The following COPG2 variants were observed in gnomAD, a reference collection of about 807,000 sequenced individuals.
The protein encoded by COPG2 is coatomer subunit gamma-2.
COPG2 carries 37 observed loss-of-function variants against 46.3 expected under a neutral mutation model. That is an observed-to-expected ratio of 0.80 (90% CI 0.61 to 1.05). COPG2 has a LOEUF of 1.05. Ranked by LOEUF, COPG2 falls within the 50% of genes least tolerant of loss-of-function variation. The pLI is 0.00. For missense variants in COPG2, 427 were observed against 387.8 expected, an observed-to-expected ratio of 1.10 and a Z score of -0.85; for synonymous variants, 159 against 129.7, an observed-to-expected ratio of 1.23 and a Z score of -1.53.
At chr7:130,563,755 C>CAAAAAAAAAAAAAAAAAAAAAA (rs1239944614) in intron 10 of COPG2, among the ~76,000 whole-genome samples, 3 of 89,008 alleles carry the variant, frequency 3.4e-5, no homozygotes, top group African/African-American at 6.6e-5. Context: ...GACTCCGTCT[C>CAAAAAAAAAAAAAAAAAAAAAA]AAAAAAAAAA....
intron 20 of COPG2, chr7:130,509,592 T>A (rs963438380): frequency 2.6e-5 from 12 of 455,786 alleles, no homozygotes; most frequent in Admixed American, 1.2e-4. Flanking sequence ...GACTTTAAAT[T>A]CCATCCATTC....
intron 17 of COPG2, among the ~76,000 whole-genome samples, 170 bp downstream of exon 17, chr7:130,550,354 T>A (rs1368775858): frequency 7.7e-6 from 1 of 130,508 alleles, no homozygotes; most frequent in Non-Finnish European, 1.5e-5. Flanking sequence ...GAGGTTGCAG[T>A]GACTAGAGAT....
intron 20 of COPG2, among the ~76,000 whole-genome samples, chr7:130,540,325 C>T (rs1160752347): frequency 1.3e-5 from 2 of 151,868 alleles, no homozygotes; most frequent in South Asian, 4.2e-4. Flanking sequence ...AGGTAAATGG[C>T]TGGTTTTTAG....
chr7:130,618,717 TTA>T (rs1554453234), intron 5 of COPG2, among the ~76,000 whole-genome samples: 2 of 152,188 alleles, frequency 1.3e-5, no homozygotes, highest in African/African-American at 4.8e-5. Flanking sequence ...TTCCTTCTTT[TTA>T]AAACAAAGGC....
At chr7:130,632,231 T>C (rs1554455318) in intron 5 of COPG2, among the ~76,000 whole-genome samples, 1 of 152,232 alleles carries the variant, frequency 6.6e-6, no homozygotes, top group Admixed American at 6.5e-5. Flanking sequence ...TTTCAGTGGA[T>C]ATGGTATTCT....
intron 5 of COPG2, among the ~76,000 whole-genome samples, chr7:130,636,196 A>G (rs1178121628): frequency 6.6e-6 from 1 of 152,132 alleles, no homozygotes; most frequent in Non-Finnish European, 1.5e-5. Flanking sequence ...TGGGGTGGAG[A>G]GTTCTGTAGA....
Position 130,609,477 on chromosome 7 carries a change from T to C in COPG2, c.737+1476A>G, listed in dbSNP as rs372345064. 4.6e-5 allele frequency among the ~76,000 whole-genome samples: 7 copies of C among 152,356 alleles called. No homozygotes were observed. The East Asian group carries it at 5.8e-4, about 13-fold the overall frequency. The stretch of plus-strand genomic sequence containing the variant: ...TGATTGTGAGGCTTCCCCAGCCACG[T>C]GGAATTGTAAGTCCATTAAACTTCT... On this transcript the variant is annotated intron_variant, in intron 9 of 23. Transcript: ENST00000425248.
chr7:130,666,146 A>G (rs1796075078), intron 3 of COPG2, among the ~76,000 whole-genome samples: 1 of 152,328 alleles, frequency 6.6e-6, no homozygotes, highest in African/African-American at 2.4e-5. Context: ...GGCACATAAA[A>G]TGGTTAAGCT....
chr7:130,517,485 G>A, intron 20 of COPG2, among the ~76,000 whole-genome samples: 1 of 152,272 alleles, frequency 6.6e-6, no homozygotes, highest in Middle Eastern at 3.4e-3. Context: ...GAAATTTTTG[G>A]TTAAAAACTT....
At chr7:130,509,393 G>C (rs1487286783) in intron 20 of COPG2, 2 of 443,146 alleles carry the variant, frequency 4.5e-6, no homozygotes, top group East Asian at 1.4e-4. Context: ...GATTTAGCAA[G>C]CAGGGATGAA....
At chr7:130,598,340 A>G (rs1554449969) in intron 9 of COPG2, among the ~76,000 whole-genome samples, 1 of 152,172 alleles carries the variant, frequency 6.6e-6, no homozygotes, top group Non-Finnish European at 1.5e-5. Flanking sequence ...GGGAAGCCGT[A>G]CTCCAAGATG....
intron 19 of COPG2, 35 bp downstream of exon 19, chr7:130,548,365 ATAC>A: frequency 2.5e-6 from 1 of 398,534 alleles, no homozygotes; most frequent in Non-Finnish European, 4.4e-6. Context: ...ATACCAGTTT[ATAC>A]TAAATCTCTA....
chr7:130,594,616 T>G (rs1016238892), intron 9 of COPG2, among the ~76,000 whole-genome samples: 2 of 152,194 alleles, frequency 1.3e-5, no homozygotes, highest in South Asian at 4.1e-4. Flanking sequence ...ATGTATCTGA[T>G]AAGGGTTTAG....
rs1793433310 is a variant in COPG2, at chr7:130,545,781, T to G, written c.2149+1893A>C. 2.0e-5 allele frequency among the ~76,000 whole-genome samples: 3 copies of G among 152,218 alleles called. No homozygotes were observed. The South Asian group carries it at 6.3e-4, about 32-fold the overall frequency. ...CAAATGTTGAAATCTCTGGGCTAAT[T>G]TGTAAGATCTATGTTTTAAAACTCC... On this transcript the variant is annotated intron_variant, in intron 20 of 23. Coordinates refer to ENST00000425248, the MANE Select transcript of COPG2 (RefSeq NM_012133.6).
intron 5 of COPG2, among the ~76,000 whole-genome samples, chr7:130,648,333 T>C (rs1000003477): frequency 1.3e-5 from 2 of 152,206 alleles, no homozygotes; most frequent in Admixed American, 1.3e-4. Context: ...AATCACTGTG[T>C]CATTAGGGCT....
chr7:130,659,771 G>C (rs936354037), intron 4 of COPG2, among the ~76,000 whole-genome samples: 1 of 151,996 alleles, frequency 6.6e-6, no homozygotes, highest in African/African-American at 2.4e-5. Flanking sequence ...AATTAGACAG[G>C]CATGGTGGCA....
At chr7:130,655,352 G>A (rs1434906682) in intron 4 of COPG2, among the ~76,000 whole-genome samples, 1 of 151,858 alleles carries the variant, frequency 6.6e-6, no homozygotes, top group Non-Finnish European at 1.5e-5. Flanking sequence ...ACTTATGAAT[G>A]GTTTCCTTTT....
intron 9 of COPG2, chr7:130,610,010 A>G (rs1189588274): frequency 2.0e-6 from 1 of 504,326 alleles, no homozygotes; most frequent in African/African-American, 2.0e-5. Context: ...ACTGCCTAGT[A>G]ATTTCTAAAG....
chr7:130,571,544 G>A (rs1345639965), intron 9 of COPG2, among the ~76,000 whole-genome samples: 1 of 151,400 alleles, frequency 6.6e-6, no homozygotes, highest in Non-Finnish European at 1.5e-5. Context: ...AAAATAAAAA[G>A]ATAGATGTTG....
Sources: allele counts gnomAD v4.1 joint callset (sites outside exome capture counted in the v4.1 genomes callset), GRCh38; gene constraint gnomAD v4.1.1; transcripts MANE v1.5; gene names NCBI Gene and HGNC (gene_info 2026-07-23, HGNC 2026-07-21).